The following KCNMA1 variants were observed in gnomAD, a reference collection of about 807,000 sequenced individuals.
KCNMA1 encodes the protein potassium calcium-activated channel subfamily M alpha 1, also known as Calcium-activated potassium channel subunit alpha-1.
A neutral mutation model predicts 140.0 loss-of-function variants in KCNMA1; 29 were observed. The ratio of observed to expected loss-of-function variants is 0.21; its 90% CI spans 0.15 to 0.28. The LOEUF is 0.28. KCNMA1 is among the 10% of genes least tolerant of loss of function. The probability of loss-of-function intolerance (pLI) is 1.00; values close to 1 mark genes in which losing one functional copy is unlikely to be tolerated. For synonymous variants in KCNMA1, 612 were observed against 611.9 expected (o/e 1.00, Z 0.00); for missense variants, 880 against 1,602.2 (o/e 0.55, Z 7.70).
intron 2 of KCNMA1, among the ~76,000 whole-genome samples, chr10:77,393,278 G>A (rs1566537613): frequency 2.0e-5 from 3 of 151,614 alleles, no homozygotes; most frequent in African/African-American, 4.8e-5. Flanking sequence ...CTCAAGGGCT[G>A]TTCTTCTACC....
chr10:77,490,575 G>A (rs2098520366), intron 1 of KCNMA1, among the ~76,000 whole-genome samples: 2 of 152,122 alleles, frequency 1.3e-5, no homozygotes, highest in South Asian at 2.1e-4. Context: ...CCTACAACAC[G>A]CTAAGACCAC....
chr10:77,385,088 G>A (rs114307587), intron 2 of KCNMA1, among the ~76,000 whole-genome samples: 1,814 of 152,274 alleles, frequency 0.012, 38 homozygotes, highest in African/African-American at 0.041. Context: ...TACTCAATGT[G>A]TTTATACATG....
rs1035223843 is a variant in KCNMA1 at position 77,372,456 on chromosome 10, G to A, written c.540+31406C>T. 4.6e-5 allele frequency among the ~76,000 whole-genome samples: 7 copies of A among 152,090 alleles called. No homozygotes were observed. In the East Asian group the frequency reaches 7.7e-4, roughly 17 times the overall value. On this transcript the variant is annotated intron_variant, in intron 2 of 27. Coordinates refer to ENST00000286628, the MANE Select transcript of KCNMA1 (RefSeq NM_001161352.2). ...TCTCCCTTTTCACCAACAGATCTACGGGTCTTGGAAATCCCAGTTCAGTGT... is the reference window on the plus strand; with the variant it reads ...TCTCCCTTTTCACCAACAGATCTACAGGTCTTGGAAATCCCAGTTCAGTGT...
chr10:77,402,266 T>C (rs1047320201), intron 2 of KCNMA1, among the ~76,000 whole-genome samples: 8 of 152,252 alleles, frequency 5.3e-5, no homozygotes, highest in East Asian at 1.9e-4. Context: ...GGAGGAGAGA[T>C]AGAGGTGCTG....
intron 14 of KCNMA1, among the ~76,000 whole-genome samples, chr10:77,069,901 C>T (rs369471821): frequency 2.6e-5 from 4 of 152,098 alleles, no homozygotes; most frequent in East Asian, 1.9e-4. Context: ...CTGCGACCTC[C>T]GCCTCCTGGG....
At chr10:77,246,219 T>C (rs1183812057) in intron 3 of KCNMA1, among the ~76,000 whole-genome samples, 1 of 152,252 alleles carries the variant, frequency 6.6e-6, no homozygotes, top group Non-Finnish European at 1.5e-5. Context: ...GAATGAGCCA[T>C]GCTGGAATCT....
Position 77,072,963 on chromosome 10 carries a change from C to T in KCNMA1, c.1749+134G>A, listed in dbSNP as rs576890097. On this transcript the variant is annotated intron_variant, in intron 14 of 27. Transcript: ENST00000286628. ...AAGAAGTTGGCTTCATGCCCAAATC[C>T]GTAACAAGGAATTTCTCCTTAACCC... 137 of 831,792 alleles carry T rather than the reference C, an allele frequency of 1.6e-4. No individual in the cohort carries two copies. In the African/African-American group the frequency reaches 1.9e-3, roughly 12 times the overall value. 51.5% of individuals were successfully genotyped at this position (831,792 alleles called of 1,614,324 possible).
At chr10:77,263,198 C>T (rs940448980) in intron 2 of KCNMA1, among the ~76,000 whole-genome samples, 1 of 152,076 alleles carries the variant, frequency 6.6e-6, no homozygotes, top group Non-Finnish European at 1.5e-5. Context: ...GATCTTACCC[C>T]CTAGGATGCT....
chr10:77,333,421 A>AG (rs2087459626), intron 2 of KCNMA1, among the ~76,000 whole-genome samples: 1 of 145,630 alleles, frequency 6.9e-6, no homozygotes. Context: ...AAAAGAAAAG[A>AG]AAGAGAAGAA....
At chr10:76,983,173 T>A (rs1367528341) in intron 19 of KCNMA1, among the ~76,000 whole-genome samples, 1 of 152,254 alleles carries the variant, frequency 6.6e-6, no homozygotes, top group Non-Finnish European at 1.5e-5. Context: ...ACCAGTGCTT[T>A]AAAATAGATT....
intron 1 of KCNMA1, among the ~76,000 whole-genome samples, chr10:77,451,333 T>C (rs2097654021): frequency 6.6e-6 from 1 of 152,192 alleles, no homozygotes; most frequent in Non-Finnish European, 1.5e-5. Context: ...AGAGGAACCC[T>C]GTGCCCCTGA....
At position 76,923,192 on chromosome 10, in the gene KCNMA1, G is replaced by T. The variant is rs184671454; in HGVS notation, c.2903-8143C>A. On this transcript the variant is annotated intron_variant, in intron 23 of 27. Coordinates refer to ENST00000286628, the MANE Select transcript of KCNMA1 (RefSeq NM_001161352.2). ...TTCTCTATAGTTATTTGCCCATTAA[G>T]ATTCGTAAAATATATTCAGCTCTTA... 3.9e-5 allele frequency among the ~76,000 whole-genome samples: 6 copies of T among 152,224 alleles called. No individual in the cohort carries two copies. In the East Asian group the frequency reaches 9.7e-4, roughly 25 times the overall value.
intron 2 of KCNMA1, among the ~76,000 whole-genome samples, chr10:77,251,791 A>G (rs2059713454): frequency 6.6e-6 from 1 of 152,172 alleles, no homozygotes; most frequent in African/African-American, 2.4e-5. Context: ...GAACATTTTC[A>G]TCATCCCAGT....
chr10:77,567,983 G>A (rs1173332771), intron 1 of KCNMA1, among the ~76,000 whole-genome samples: 1 of 152,140 alleles, frequency 6.6e-6, no homozygotes, highest in Non-Finnish European at 1.5e-5. Flanking sequence ...AGAAAATCTA[G>A]AAGAAATGGA....
intron 1 of KCNMA1, among the ~76,000 whole-genome samples, chr10:77,479,663 C>A (rs2098346322): frequency 6.6e-6 from 1 of 152,152 alleles, no homozygotes; most frequent in Non-Finnish European, 1.5e-5. Flanking sequence ...CACAGGTAAA[C>A]CCAGGTGGCC....
intron 19 of KCNMA1, chr10:76,978,421 A>G (rs1450174247): frequency 6.6e-6 from 1 of 152,140 alleles, no homozygotes; most frequent in African/African-American, 2.4e-5. Context: ...ATTATCCTTG[A>G]TTTTTCTTCC....
At chr10:77,459,717 T>G (rs1247348563) in intron 1 of KCNMA1, among the ~76,000 whole-genome samples, 1 of 152,160 alleles carries the variant, frequency 6.6e-6, no homozygotes, top group Non-Finnish European at 1.5e-5. Flanking sequence ...CAGCTTAGCC[T>G]TCCTCCCAGG....
chr10:77,392,108 A>AAGGAC (rs913549352), intron 2 of KCNMA1, among the ~76,000 whole-genome samples: 2 of 140,822 alleles, frequency 1.4e-5, no homozygotes, highest in African/African-American at 5.2e-5. Context: ...GGAGGGAGGG[A>AAGGAC]AGGACGGAGG....
intron 5 of KCNMA1, among the ~76,000 whole-genome samples, chr10:77,125,071 G>A (rs2097703967): frequency 1.3e-5 from 2 of 152,070 alleles, no homozygotes; most frequent in African/African-American, 4.8e-5. Flanking sequence ...CAGCATGGGG[G>A]TAACTGCCCC....
Sources: gnomAD v4.1 joint callset for allele counts (sites outside exome capture counted in the v4.1 genomes callset) on GRCh38, gnomAD v4.1.1 for gene constraint, MANE v1.5 for transcripts, NCBI Gene and HGNC (gene_info 2026-07-23, HGNC 2026-07-21) for gene names.